CDH18: variants seen among roughly 807,000 people sequenced by gnomAD.
The protein encoded by CDH18 is cadherin 18.
Under a neutral mutation model 67.9 loss-of-function variants are expected in CDH18, and 31 were observed. That is an observed-to-expected ratio of 0.46 (90% CI 0.34 to 0.62). The LOEUF (loss-of-function observed/expected upper bound fraction) is 0.62, where lower values mean the gene tolerates loss of function less well. Ranked by LOEUF, CDH18 falls within the 20% of genes least tolerant of loss-of-function variation. The probability of loss-of-function intolerance (pLI) is 0.01; values close to 1 mark genes in which losing one functional copy is unlikely to be tolerated. For missense variants in CDH18, 890 were observed against 975.5 expected (o/e 0.91, Z 1.17); for synonymous variants, 362 against 347.2 (o/e 1.04, Z -0.48).
intron 2 of CDH18, among the ~76,000 whole-genome samples, chr5:20,151,022 A>T (rs1751052645): frequency 6.6e-6 from 1 of 151,414 alleles, no homozygotes; most frequent in Admixed American, 6.6e-5. Context: ...TTTTTATTTC[A>T]ATTTTTTTTT....
At chr5:20,442,448 A>T (rs2150192838) in intron 1 of CDH18, among the ~76,000 whole-genome samples, 1 of 152,098 alleles carries the variant, frequency 6.6e-6, no homozygotes, top group East Asian at 1.9e-4. Context: ...GGACATCTGC[A>T]TCTCAAACAT....
At chr5:19,903,507 G>T (rs1790155720) in intron 2 of CDH18, among the ~76,000 whole-genome samples, 1 of 134,406 alleles carries the variant, frequency 7.4e-6, no homozygotes, top group Admixed American at 7.9e-5. Flanking sequence ...TATTTTAGTA[G>T]TAACCACTCA....
chr5:20,550,604 G>A (rs952417130), intron 1 of CDH18, among the ~76,000 whole-genome samples: 1 of 152,100 alleles, frequency 6.6e-6, no homozygotes, highest in Non-Finnish European at 1.5e-5. Context: ...TTTAGCCAAA[G>A]AATATGTCAT....
Position 19,713,963 on chromosome 5 carries a change from AG to A in CDH18, c.643+7383del, listed in dbSNP as rs768088282. Among the ~76,000 whole-genome samples, 4 of 152,240 alleles carry A rather than the reference AG, an allele frequency of 2.6e-5. No individual in the cohort carries two copies. In the East Asian group the frequency reaches 5.8e-4, roughly 22 times the overall value. On this transcript the variant is annotated intron_variant, in intron 5 of 12. Coordinates refer to ENST00000382275, the MANE Select transcript of CDH18 (RefSeq NM_004934.5). ...GCCTGGGCAGTGCACTGTACTATGA[AG>A]GTGATTCATATGTCTGCAAAGTGCA...
At chr5:19,657,917 CA>C (rs1443523272) in intron 5 of CDH18, among the ~76,000 whole-genome samples, 4 of 152,226 alleles carry the variant, frequency 2.6e-5, no homozygotes, top group Middle Eastern at 6.8e-3. Flanking sequence ...AGATTTTGAA[CA>C]TGAGGGCCTC....
At chr5:19,976,054 T>C (rs1425535021) in intron 2 of CDH18, among the ~76,000 whole-genome samples, 1 of 152,124 alleles carries the variant, frequency 6.6e-6, no homozygotes, top group East Asian at 1.9e-4. Context: ...TCTGAAACGG[T>C]GATTCATACT....
intron 12 of CDH18, among the ~76,000 whole-genome samples, chr5:19,477,934 T>C (rs2126538463): frequency 6.6e-6 from 1 of 152,272 alleles, no homozygotes; most frequent in South Asian, 2.1e-4. Context: ...GTCTTTAGTC[T>C]AAAATAAATA....
intron 1 of CDH18, chr5:20,304,586 G>C (rs1394560716): frequency 1.9e-6 from 3 of 1,611,898 alleles, no homozygotes; most frequent in Non-Finnish European, 2.5e-6. Context: ...CCAGTCAGGG[G>C]GACAGAGCTT....
intron 1 of CDH18, among the ~76,000 whole-genome samples, chr5:20,418,480 A>T (rs907730675): frequency 6.6e-6 from 1 of 151,276 alleles, no homozygotes; most frequent in African/African-American, 2.4e-5. Flanking sequence ...ATGTACACAC[A>T]CTGTAACCCT....
chr5:19,600,428 A>AT (rs1453732745), intron 6 of CDH18, among the ~76,000 whole-genome samples: 1 of 151,490 alleles, frequency 6.6e-6, no homozygotes, highest in Non-Finnish European at 1.5e-5. Flanking sequence ...AAATTAACTT[A>AT]TATCTACTGA....
chr5:20,363,496 A>T (rs1454240367), intron 1 of CDH18, among the ~76,000 whole-genome samples: 1 of 150,880 alleles, frequency 6.6e-6, no homozygotes, highest in East Asian at 2.0e-4. Flanking sequence ...AAAAAAAAAA[A>T]AGCCAGCATG....
chr5:20,245,192 A>C (rs183924822), intron 2 of CDH18, among the ~76,000 whole-genome samples: 1 of 152,242 alleles, frequency 6.6e-6, no homozygotes, highest in African/African-American at 2.4e-5. Flanking sequence ...ACCTTCATAC[A>C]AAACAATCTG....
In CDH18 at chr5:20,311,494, A is replaced by G. The variant is rs906014492; in HGVS notation, c.-579-55989T>C. Among the ~76,000 whole-genome samples, 5 of 152,290 alleles carry G rather than the reference A, an allele frequency of 3.3e-5. No homozygotes were observed. The East Asian group carries it at 7.7e-4, about 24-fold the overall frequency. ...AAAAGGATAAGTTCATGTCCTTTGC[A>G]GGGACATGGATGAAGGTGGAAACCG... On this transcript the variant is annotated intron_variant, in intron 1 of 14. Coordinates refer to the CDH18 transcript ENST00000507958.
intron 5 of CDH18, among the ~76,000 whole-genome samples, chr5:19,677,989 T>C (rs922188833): frequency 6.6e-6 from 1 of 151,822 alleles, no homozygotes; most frequent in Admixed American, 6.6e-5. Flanking sequence ...CCAAGATTCA[T>C]AAAGAAAGTT....
At chr5:20,074,736 T>G (rs143300184) in intron 2 of CDH18, among the ~76,000 whole-genome samples, 4 of 146,222 alleles carry the variant, frequency 2.7e-5, no homozygotes, top group Non-Finnish European at 6.2e-5. Flanking sequence ...AGTTTGGGGT[T>G]TTTTTTTTTG....
At chr5:20,338,953 T>C (rs1411425382) in intron 1 of CDH18, among the ~76,000 whole-genome samples, 1 of 152,120 alleles carries the variant, frequency 6.6e-6, no homozygotes, top group African/African-American at 2.4e-5. Flanking sequence ...CCCTGTTGAC[T>C]AGCTACTCTG....
intron 5 of CDH18, among the ~76,000 whole-genome samples, chr5:19,637,957 C>A (rs902260500): frequency 3.3e-5 from 5 of 152,122 alleles, no homozygotes; most frequent in African/African-American, 1.2e-4. Flanking sequence ...CTATCATCGC[C>A]TTCTAACATT....
chr5:20,251,213 T>C (rs1044450594), intron 2 of CDH18, among the ~76,000 whole-genome samples: 2 of 152,136 alleles, frequency 1.3e-5, no homozygotes, highest in African/African-American at 2.4e-5. Flanking sequence ...AATTTAAACA[T>C]AATAAATAAT....
intron 2 of CDH18, among the ~76,000 whole-genome samples, chr5:20,095,718 G>T (rs1295352486): frequency 6.6e-6 from 1 of 151,524 alleles, no homozygotes; most frequent in East Asian, 1.9e-4. Flanking sequence ...GATATCATAG[G>T]AGACGATCAA....
Sources: gnomAD v4.1 joint callset for allele counts (sites outside exome capture counted in the v4.1 genomes callset) on GRCh38, gnomAD v4.1.1 for gene constraint, MANE v1.5 for transcripts, NCBI Gene and HGNC (gene_info 2026-07-23, HGNC 2026-07-21) for gene names.